Variants in KHDRBS2 observed in about 807,000 individuals in gnomAD.
KHDRBS2 encodes the protein KH RNA binding domain containing, signal transduction associated 2, also known as KH domain-containing, RNA-binding, signal transduction-associated protein 2.
Under a neutral mutation model 44.3 loss-of-function variants are expected in KHDRBS2, and 26 were observed. The ratio of observed to expected loss-of-function variants is 0.59; its 90% CI spans 0.43 to 0.81. KHDRBS2 has a LOEUF of 0.81. Ranked by LOEUF, KHDRBS2 falls within the 40% of genes least tolerant of loss-of-function variation. KHDRBS2 has a pLI of 0.00. For synonymous variants in KHDRBS2, 194 were observed against 151.1 expected (o/e 1.28, Z -2.08); for missense variants, 476 against 433.1 (o/e 1.10, Z -0.88).
At chr6:61,729,455 C>A (rs57147034) in intron 7 of KHDRBS2, among the ~76,000 whole-genome samples, 1,732 of 152,172 alleles carry the variant, frequency 0.011, 33 homozygotes, top group African/African-American at 0.04. Flanking sequence ...TGGGTAAATA[C>A]CGAAGAGAAG....
At chr6:62,062,871 T>C (rs1048514851) in intron 2 of KHDRBS2, among the ~76,000 whole-genome samples, 2 of 148,232 alleles carry the variant, frequency 1.3e-5, no homozygotes, top group African/African-American at 4.9e-5. Context: ...ACAAAATTGA[T>C]AGACTGCTAG....
At chr6:61,982,144 AAC>A (rs1448851929) in intron 3 of KHDRBS2, among the ~76,000 whole-genome samples, 1 of 152,178 alleles carries the variant, frequency 6.6e-6, no homozygotes, top group Non-Finnish European at 1.5e-5. Context: ...GGCTGATGAC[AAC>A]AGTGTCAAAT....
chr6:62,066,510 A>G (rs182974730), intron 2 of KHDRBS2, among the ~76,000 whole-genome samples: 2 of 151,854 alleles, frequency 1.3e-5, no homozygotes. Context: ...ATGAGATGAA[A>G]TATTGGCTTT....
chr6:61,841,681 C>T (rs575165902), intron 6 of KHDRBS2, among the ~76,000 whole-genome samples: 3 of 152,230 alleles, frequency 2.0e-5, no homozygotes, highest in South Asian at 2.1e-4. Context: ...TTCCTGGGCA[C>T]GGTATGAATC....
chr6:62,081,366 A>G (rs1328200550), intron 2 of KHDRBS2, among the ~76,000 whole-genome samples: 1 of 152,166 alleles, frequency 6.6e-6, no homozygotes. Context: ...TACTTGAAGG[A>G]CAGAGAGGAT....
At chr6:61,760,014 AC>A (rs1436743421) in intron 6 of KHDRBS2, among the ~76,000 whole-genome samples, 1 of 152,142 alleles carries the variant, frequency 6.6e-6, no homozygotes. Context: ...TTGCTTACTC[AC>A]AAAATAATAT....
chr6:61,582,425 A>T, the KHDRBS2 span, among the ~76,000 whole-genome samples: 1 of 151,786 alleles, frequency 6.6e-6, no homozygotes, highest in Admixed American at 6.6e-5. Flanking sequence ...AAATTTAATC[A>T]GAATAAAGTA....
intron 2 of KHDRBS2, among the ~76,000 whole-genome samples, chr6:62,152,551 T>C (rs1364255690): frequency 6.6e-6 from 1 of 152,214 alleles, no homozygotes; most frequent in Non-Finnish European, 1.5e-5. Context: ...GACAAAAAAT[T>C]CTTCTTAGTG....
At chr6:61,976,525 C>T (rs1474507551) in intron 4 of KHDRBS2, among the ~76,000 whole-genome samples, 1 of 151,892 alleles carries the variant, frequency 6.6e-6, no homozygotes, top group African/African-American at 2.4e-5. Context: ...AGAAAATCAT[C>T]CCTTGATATT....
chr6:61,933,338 T>A (rs1810439639), intron 4 of KHDRBS2, among the ~76,000 whole-genome samples: 1 of 150,362 alleles, frequency 6.7e-6, no homozygotes, highest in Admixed American at 6.7e-5. Context: ...GACATGAGAT[T>A]TCAGTGAGAA....
At chr6:61,703,730 G>A (rs1769044450) in intron 7 of KHDRBS2, among the ~76,000 whole-genome samples, 1 of 150,860 alleles carries the variant, frequency 6.6e-6, no homozygotes, top group South Asian at 2.1e-4. Flanking sequence ...CACACATGTA[G>A]ATATATCAAC....
the KHDRBS2 span, among the ~76,000 whole-genome samples, chr6:61,621,762 G>A: frequency 4.1e-4 from 63 of 152,308 alleles, 1 homozygote; most frequent in South Asian, 0.012. Flanking sequence ...AAAGTGGTAA[G>A]ATGTTACTCC....
intron 1 of KHDRBS2, among the ~76,000 whole-genome samples, chr6:62,194,945 A>T (rs1825377407): frequency 1.3e-5 from 2 of 151,936 alleles, no homozygotes; most frequent in Non-Finnish European, 2.9e-5. Context: ...GAATTTTTAG[A>T]TTATTTTGTC....
chr6:62,240,670 GTGTATATATATATA>G (rs1475372374), intron 1 of KHDRBS2, among the ~76,000 whole-genome samples: 7 of 62,542 alleles, frequency 1.1e-4, no homozygotes, highest in African/African-American at 3.7e-4. Flanking sequence ...GTATGTGTGT[GTGTATATATATATA>G]TATATATATA....
intron 6 of KHDRBS2, among the ~76,000 whole-genome samples, chr6:61,845,425 T>G (rs1454303670): frequency 6.6e-6 from 1 of 150,964 alleles, no homozygotes; most frequent in Non-Finnish European, 1.5e-5. Flanking sequence ...TTCTCCTGCC[T>G]CAGCCTCCCG....
Position 62,244,315 on chromosome 6 carries a change from T to C in KHDRBS2, c.91+41543A>G, listed in dbSNP as rs535452249. Among the ~76,000 whole-genome samples the C allele has an allele frequency of 3.9e-5, 6 of 152,260 alleles. No homozygotes were observed. The East Asian group carries it at 1.2e-3, about 29-fold the overall frequency. The stretch of plus-strand genomic sequence containing the variant: ...TATCATAAGTTCCATGAAAATTTGA[T>C]GGAACTTGCCTGTTTTTAAATGACT... On this transcript the variant is annotated intron_variant, in intron 1 of 8. Coordinates refer to ENST00000281156, the MANE Select transcript of KHDRBS2 (RefSeq NM_152688.4).
intron 1 of KHDRBS2, among the ~76,000 whole-genome samples, chr6:62,243,175 C>A (rs1834971673): frequency 6.6e-6 from 1 of 151,908 alleles, no homozygotes; most frequent in African/African-American, 2.4e-5. Flanking sequence ...TATACACACA[C>A]TACATATATA....
intron 6 of KHDRBS2, among the ~76,000 whole-genome samples, chr6:61,844,139 AG>A (rs1794023257): frequency 6.6e-6 from 1 of 152,164 alleles, no homozygotes; most frequent in South Asian, 2.1e-4. Context: ...TCTACCTCCC[AG>A]GCAAAAATAA....
chr6:61,590,015 G>T, the KHDRBS2 span, among the ~76,000 whole-genome samples: 5 of 152,028 alleles, frequency 3.3e-5, no homozygotes, highest in African/African-American at 1.2e-4. Context: ...GTGGTTAAGT[G>T]TTATGTATCC....
Sources: allele counts gnomAD v4.1 joint callset (sites outside exome capture counted in the v4.1 genomes callset), GRCh38; gene constraint gnomAD v4.1.1; transcripts MANE v1.5; gene names NCBI Gene and HGNC (gene_info 2026-07-23, HGNC 2026-07-21).